The following NRCAM variants were observed in gnomAD, a reference collection of about 807,000 sequenced individuals.
NRCAM encodes NgCAM-related cell adhesion molecule.
NRCAM carries 83 observed loss-of-function variants against 156.5 expected under a neutral mutation model. That is an observed-to-expected ratio of 0.53 (90% CI 0.44 to 0.64). The LOEUF (loss-of-function observed/expected upper bound fraction) is 0.64. NRCAM is among the 30% of genes least tolerant of loss of function. The pLI, the probability that NRCAM is intolerant of heterozygous loss-of-function variation, is 0.00. For missense variants in NRCAM, 1,417 were observed against 1,597.3 expected (o/e 0.89, Z 1.92); for synonymous variants, 538 against 563.9 (o/e 0.95, Z 0.65).
intron 1 of NRCAM, among the ~76,000 whole-genome samples, chr7:108,446,105 G>A (rs1843843646): frequency 6.6e-6 from 1 of 152,142 alleles, no homozygotes; most frequent in Non-Finnish European, 1.5e-5. Context: ...GGAAAGGAAA[G>A]CCACGTGCAA....
chr7:108,172,754 T>C (rs1214163929), intron 28 of NRCAM, among the ~76,000 whole-genome samples: 1 of 152,216 alleles, frequency 6.6e-6, no homozygotes, highest in Non-Finnish European at 1.5e-5. Context: ...GAAGAAGGGT[T>C]AGTATGGCAT....
intron 1 of NRCAM, among the ~76,000 whole-genome samples, chr7:108,421,170 T>A (rs1809142665): frequency 6.6e-6 from 1 of 152,180 alleles, no homozygotes; most frequent in Non-Finnish European, 1.5e-5. Flanking sequence ...AGTGTAGATG[T>A]ATATATGTGT....
At chr7:108,363,489 G>GTGCC (rs1376657074) in intron 2 of NRCAM, among the ~76,000 whole-genome samples, 1 of 152,110 alleles carries the variant, frequency 6.6e-6, no homozygotes, top group East Asian at 1.9e-4. Context: ...CTCAAACCAT[G>GTGCC]TGCCTGCCTT....
intron 1 of NRCAM, among the ~76,000 whole-genome samples, chr7:108,419,487 T>C (rs1013345671): frequency 6.6e-6 from 1 of 152,220 alleles, no homozygotes; most frequent in African/African-American, 2.4e-5. Flanking sequence ...TTTCATCAAA[T>C]GTTGCTCTTC....
At chr7:108,234,733 A>T (rs1324806183) in intron 5 of NRCAM, 45 bp from the exon 6 acceptor site, 2 of 1,336,016 alleles carry the variant, frequency 1.5e-6, no homozygotes, top group Non-Finnish European at 2.1e-6. Context: ...AATTATTTAA[A>T]ATCATAATAG....
At chr7:108,434,662 C>A (rs1192614840) in intron 1 of NRCAM, among the ~76,000 whole-genome samples, 2 of 152,124 alleles carry the variant, frequency 1.3e-5, no homozygotes, top group Non-Finnish European at 2.9e-5. Context: ...TCCAGCCACA[C>A]ACAAAACCAT....
chr7:108,392,348 T>C (rs2099762992), intron 2 of NRCAM, among the ~76,000 whole-genome samples: 2 of 152,214 alleles, frequency 1.3e-5, no homozygotes, highest in Admixed American at 1.3e-4. Flanking sequence ...ATACCCTTTC[T>C]TACAGTTGAT....
At chr7:108,406,341 C>A (rs1046973091) in intron 1 of NRCAM, among the ~76,000 whole-genome samples, 3 of 152,116 alleles carry the variant, frequency 2.0e-5, no homozygotes, top group Non-Finnish European at 4.4e-5. Context: ...ACAAAGAAAG[C>A]GAGTGAAGCT....
chr7:108,437,025 T>A (rs1302145822), intron 1 of NRCAM, among the ~76,000 whole-genome samples: 2 of 152,154 alleles, frequency 1.3e-5, no homozygotes, highest in Non-Finnish European at 2.9e-5. Context: ...TAAGTGTCCA[T>A]CAACAGATGA....
At chr7:108,431,969 C>A (rs1351698145) in intron 1 of NRCAM, among the ~76,000 whole-genome samples, 1 of 152,144 alleles carries the variant, frequency 6.6e-6, no homozygotes, top group African/African-American at 2.4e-5. Flanking sequence ...CACTTCTTTG[C>A]CCAACCTGTC....
chr7:108,266,156 A>G (rs1040645616), intron 3 of NRCAM, among the ~76,000 whole-genome samples: 9 of 152,266 alleles, frequency 5.9e-5, no homozygotes, highest in Admixed American at 4.6e-4. Flanking sequence ...TTTCCCTCAC[A>G]TCATTGTTTT....
intron 1 of NRCAM, among the ~76,000 whole-genome samples, chr7:108,448,193 T>A (rs970172514): frequency 3.3e-5 from 5 of 152,222 alleles, no homozygotes; most frequent in African/African-American, 1.2e-4. Context: ...AAGGTATATA[T>A]CATGATTCAT....
intron 3 of NRCAM, among the ~76,000 whole-genome samples, chr7:108,262,382 G>A (rs914284112): frequency 6.6e-6 from 1 of 152,126 alleles, no homozygotes; most frequent in African/African-American, 2.4e-5. Context: ...AAACAGGAAA[G>A]AGACATTCCC....
intron 3 of NRCAM, among the ~76,000 whole-genome samples, chr7:108,261,333 T>C (rs1157192918): frequency 6.6e-6 from 1 of 152,218 alleles, no homozygotes; most frequent in Non-Finnish European, 1.5e-5. Flanking sequence ...GTTTTCAGCA[T>C]ATATCACCAC....
At chr7:108,448,535 G>A (rs549046629) in intron 1 of NRCAM, among the ~76,000 whole-genome samples, 2 of 152,096 alleles carry the variant, frequency 1.3e-5, no homozygotes, top group East Asian at 1.9e-4. Flanking sequence ...ATTTCCAATC[G>A]CAGTTTTACA....
rs1563152046 is a variant in NRCAM, at chr7:108,151,413, A to AGCTCTGTTT, written c.3678-1267_3678-1266insAAACAGAGC. 1.6e-4 allele frequency among the ~76,000 whole-genome samples: 24 copies of AGCTCTGTTT among 152,294 alleles called. No individual in the cohort carries two copies. The South Asian group carries it at 5.0e-3, about 32-fold the overall frequency. On this transcript the variant is annotated intron_variant, in intron 32 of 32. Transcript: ENST00000379028. The stretch of plus-strand genomic sequence containing the variant: ...GACTTTACTGCTCCCTCTGTTTCAG[A>AGCTCTGTTT]CAGTGACTTTTTTTTTCAAGCCAAG...
intron 3 of NRCAM, among the ~76,000 whole-genome samples, chr7:108,248,979 T>C (rs1383845655): frequency 6.6e-6 from 1 of 151,760 alleles, no homozygotes; most frequent in Non-Finnish European, 1.5e-5. Context: ...ATGATGATGA[T>C]GGGCTGTGTG....
At chr7:108,416,501 G>A (rs1234646724) in intron 1 of NRCAM, among the ~76,000 whole-genome samples, 1 of 152,114 alleles carries the variant, frequency 6.6e-6, no homozygotes, top group African/African-American at 2.4e-5. Context: ...CAGGCAACAT[G>A]TTCTGGCCAG....
chr7:108,225,601 C>T lies in NRCAM; in HGVS notation c.778+44G>A, dbSNP rs755179135. Reference sequence around the variant, plus strand: ...GGAGGTGAAGTTAGTGAACTAAATTCTACAATGAAGGAGAGAATATCAGTT... The same window carrying T: ...GGAGGTGAAGTTAGTGAACTAAATTTTACAATGAAGGAGAGAATATCAGTT... On this transcript the variant is annotated intron_variant, in intron 10 of 32. Transcript: ENST00000379028. 6 of 1,225,306 alleles carry T rather than the reference C, an allele frequency of 4.9e-6. No individual in the cohort carries two copies. In the Admixed American group the frequency reaches 8.4e-5, roughly 17 times the overall value. The allele number at this position is 1,225,306 out of a possible 1,614,324, so 75.9% of individuals were successfully genotyped here. A position where few individuals can be genotyped will look rare whatever the true frequency, so the allele number is the denominator to read the frequency against.
Sources: allele counts gnomAD v4.1 joint callset (sites outside exome capture counted in the v4.1 genomes callset), GRCh38; gene constraint gnomAD v4.1.1; transcripts MANE v1.5; gene names NCBI Gene and HGNC (gene_info 2026-07-23, HGNC 2026-07-21).